Variants in EYA3 observed in about 807,000 individuals in gnomAD.
EYA3 encodes protein phosphatase EYA3.
EYA3 carries 39 observed loss-of-function variants against 80.0 expected under a neutral mutation model. The observed-to-expected ratio is 0.49, with a 90% CI of 0.38 to 0.64. The LOEUF (loss-of-function observed/expected upper bound fraction) is 0.64. Among genes scored for constraint, EYA3 ranks in the 30% least tolerant of loss-of-function variants. The probability of loss-of-function intolerance (pLI) is 0.00; values close to 1 mark genes in which losing one functional copy is unlikely to be tolerated. For missense variants in EYA3, 523 were observed against 676.1 expected (o/e 0.77, Z 2.51); for synonymous variants, 206 against 232.8 (o/e 0.88, Z 1.05).
At chr1:27,976,803 C>T (rs993950540) in intron 17 of EYA3, among the ~76,000 whole-genome samples, 26 of 152,066 alleles carry the variant, frequency 1.7e-4, no homozygotes, top group African/African-American at 5.6e-4. Context: ...CTGCAACCTC[C>T]GCCTTCAGGG....
chr1:28,049,006 A>G (rs1644139669), intron 2 of EYA3, among the ~76,000 whole-genome samples: 2 of 152,312 alleles, frequency 1.3e-5, no homozygotes, highest in African/African-American at 4.8e-5. Context: ...GGTTAATACT[A>G]ATGGATTTTT....
intron 7 of EYA3, among the ~76,000 whole-genome samples, chr1:28,024,014 G>A (rs1249519071): frequency 1.3e-5 from 2 of 152,110 alleles, no homozygotes; most frequent in African/African-American, 4.8e-5. Context: ...CGAGGCAGGC[G>A]GATCACTTGA....
chr1:27,974,826 C>G (rs1285411959), intron 17 of EYA3, among the ~76,000 whole-genome samples: 13 of 152,152 alleles, frequency 8.5e-5, no homozygotes, highest in Admixed American at 7.9e-4. Flanking sequence ...CAGGGTCTTG[C>G]TGTGTCACCC....
intron 4 of EYA3, among the ~76,000 whole-genome samples, chr1:28,040,446 G>A (rs1280037628): frequency 6.6e-6 from 1 of 152,152 alleles, no homozygotes; most frequent in African/African-American, 2.4e-5. Flanking sequence ...GAAATCAGGG[G>A]AGAAGTCAGA....
At chr1:28,065,401 T>G (rs185737016) in intron 1 of EYA3, among the ~76,000 whole-genome samples, 7 of 152,106 alleles carry the variant, frequency 4.6e-5, no homozygotes, top group African/African-American at 1.7e-4. Flanking sequence ...GCCTCCTGAG[T>G]AGCTGGGACT....
rs1026562308 is a variant in EYA3 at position 28,013,700 on chromosome 1, A to G, written c.586-406T>C. Among the ~76,000 whole-genome samples the G allele has an allele frequency of 2.0e-5, 3 of 152,248 alleles. No individual in the cohort carries two copies. The highest frequency in any genetic ancestry group is 4.8e-5 in the African/African-American group (2 of 41,456). ...ACTAGATAATAGCACTTCTAAGGAC[A>G]ACAAAACAAAACTTAAACTTAAGCA... On this transcript the variant is annotated intron_variant, in intron 8 of 17. Transcript: ENST00000373871. The surrounding 1 kb of genome is among the most constrained non-coding windows in gnomAD (Gnocchi z 4.0).
intron 5 of EYA3, among the ~76,000 whole-genome samples, chr1:28,036,960 G>A (rs1220692627): frequency 6.6e-6 from 1 of 152,128 alleles, no homozygotes; most frequent in East Asian, 1.9e-4. Flanking sequence ...GGGTGTTCTA[G>A]GACAAGAAAA....
At chr1:28,055,868 A>T (rs903129537) in intron 2 of EYA3, among the ~76,000 whole-genome samples, 4 of 152,204 alleles carry the variant, frequency 2.6e-5, no homozygotes, top group Non-Finnish European at 5.9e-5. Flanking sequence ...AATGGGATTA[A>T]AATAACTTCA....
chr1:28,043,715 G>A (rs1643900832), intron 3 of EYA3, among the ~76,000 whole-genome samples: 1 of 152,128 alleles, frequency 6.6e-6, no homozygotes. Context: ...GTGCACGCCT[G>A]TAGTCCCAGC....
intron 1 of EYA3, among the ~76,000 whole-genome samples, chr1:28,079,216 G>A (rs961025688): frequency 2.4e-4 from 37 of 152,210 alleles, no homozygotes; most frequent in African/African-American, 7.7e-4. Flanking sequence ...TGCTGACCCT[G>A]TTTCACTCTA....
At chr1:28,084,556 AATATATATATATATATATATATATAT>A (rs1553159800) in intron 1 of EYA3, among the ~76,000 whole-genome samples, 33 of 32,726 alleles carry the variant, frequency 1.0e-3, no homozygotes, top group South Asian at 5.4e-3. Flanking sequence ...ACTATTCCAA[AATATATATATATATATATATATATAT>A]ATATATATAT....
intron 1 of EYA3, among the ~76,000 whole-genome samples, chr1:28,073,127 A>ATATATATATATATATATATATATATTT (rs1553157671): frequency 6.7e-5 from 1 of 14,998 alleles, no homozygotes; most frequent in Non-Finnish European, 1.1e-4. Context: ...ATATATATAT[A>ATATATATATATATATATATATATATTT]TTTTTTTTTT....
chr1:28,006,934 CTTTTTTTTTT>C (rs58401673), intron 10 of EYA3, among the ~76,000 whole-genome samples: 187 of 92,000 alleles, frequency 2.0e-3, no homozygotes, highest in African/African-American at 7.8e-3. Context: ...ATGACATAAT[CTTTTTTTTTT>C]TTTTTTTTTT....
At chr1:28,080,924 A>ATT (rs758922041) in intron 1 of EYA3, among the ~76,000 whole-genome samples, 1 of 144,696 alleles carries the variant, frequency 6.9e-6, no homozygotes, top group Non-Finnish European at 1.5e-5. Context: ...CTAATTTTGT[A>ATT]TTTTTTTTTT....
chr1:28,011,315 G>C (rs1641682782), intron 9 of EYA3, among the ~76,000 whole-genome samples: 1 of 152,196 alleles, frequency 6.6e-6, no homozygotes, highest in Admixed American at 6.5e-5. Context: ...CCCCATGATA[G>C]AAGAAAATAT....
chr1:28,085,027 T>A (rs976997370), intron 1 of EYA3, among the ~76,000 whole-genome samples: 3 of 152,314 alleles, frequency 2.0e-5, no homozygotes, highest in African/African-American at 7.2e-5. Context: ...TCCATGAGGC[T>A]TTTATTTATA....
At chr1:27,985,676 G>A (rs1427336002) in intron 16 of EYA3, among the ~76,000 whole-genome samples, 1 of 152,124 alleles carries the variant, frequency 6.6e-6, no homozygotes, top group Non-Finnish European at 1.5e-5. Context: ...CCACCTCCCA[G>A]GTTCAAGCGA....
intron 16 of EYA3, among the ~76,000 whole-genome samples, chr1:27,986,374 G>A (rs377104892): frequency 6.6e-6 from 1 of 150,926 alleles, no homozygotes; most frequent in East Asian, 2.0e-4. Flanking sequence ...TCAAAAAAAA[G>A]TAGCATAAAA....
intron 8 of EYA3, among the ~76,000 whole-genome samples, chr1:28,014,951 G>A (rs1222840692): frequency 6.6e-6 from 1 of 152,128 alleles, no homozygotes; most frequent in Non-Finnish European, 1.5e-5. Context: ...AAAGCTAACT[G>A]ATCAGATACA....
Sources: gnomAD v4.1 joint callset for allele counts (sites outside exome capture counted in the v4.1 genomes callset) on GRCh38, gnomAD v4.1.1 for gene constraint, Gnocchi (gnomAD v3.1) non-coding constraint, MANE v1.5 for transcripts, NCBI Gene and HGNC (gene_info 2026-07-23, HGNC 2026-07-21) for gene names.